Variants in PSD3 observed in about 807,000 individuals in gnomAD.
The protein encoded by PSD3 is pleckstrin and Sec7 domain containing 3.
In PSD3, 49 loss-of-function variants were observed where a neutral mutation model predicts 105.5. That is an observed-to-expected ratio of 0.46 (90% confidence interval 0.37 to 0.59). The LOEUF (loss-of-function observed/expected upper bound fraction) is 0.59, where lower values mean the gene tolerates loss of function less well. PSD3 is among the 20% of genes least tolerant of loss of function. The probability of loss-of-function intolerance (pLI) is 0.00; values close to 1 mark genes in which losing one functional copy is unlikely to be tolerated. For synonymous variants in PSD3, 557 were observed against 457.8 expected (o/e 1.22, Z -2.77); for missense variants, 1,561 against 1,263.8 (o/e 1.24, Z -3.57).
chr8:18,625,491 G>T (rs1303035225), intron 11 of PSD3, among the ~76,000 whole-genome samples: 3 of 152,158 alleles, frequency 2.0e-5, no homozygotes, highest in South Asian at 4.1e-4. Flanking sequence ...AGGCAATTCA[G>T]TGTTTAAACA....
At chr8:18,607,536 C>A (rs547171770) in intron 11 of PSD3, among the ~76,000 whole-genome samples, 1 of 151,918 alleles carries the variant, frequency 6.6e-6, no homozygotes, top group Admixed American at 6.6e-5. Context: ...GGTTTCCATA[C>A]AGAGAAAGGC....
At chr8:18,939,758 G>A (rs1333224140) in intron 1 of PSD3, among the ~76,000 whole-genome samples, 1 of 152,164 alleles carries the variant, frequency 6.6e-6, no homozygotes, top group Non-Finnish European at 1.5e-5. Context: ...AGACTATCAA[G>A]AGGAGCCTGC....
chr8:18,917,100 C>T (rs762034624), intron 2 of PSD3, among the ~76,000 whole-genome samples: 1 of 152,248 alleles, frequency 6.6e-6, no homozygotes, highest in Non-Finnish European at 1.5e-5. Context: ...CTGCCCAAAG[C>T]AGAAACTACC....
intron 2 of PSD3, among the ~76,000 whole-genome samples, chr8:18,890,880 G>C (rs897203265): frequency 3.3e-5 from 5 of 152,136 alleles, no homozygotes; most frequent in Non-Finnish European, 1.5e-5. Flanking sequence ...TGAACATTTT[G>C]AGATTCCTGT....
chr8:18,863,337 G>A (rs975881702), intron 4 of PSD3, among the ~76,000 whole-genome samples: 3 of 152,136 alleles, frequency 2.0e-5, no homozygotes, highest in Admixed American at 6.5e-5. Flanking sequence ...GTGTATAATT[G>A]TAAGTCTCTA....
At chr8:19,038,532 C>G (rs1044791504) in intron 1 of PSD3, among the ~76,000 whole-genome samples, 1 of 152,212 alleles carries the variant, frequency 6.6e-6, no homozygotes, top group Non-Finnish European at 1.5e-5. Context: ...AGTAGTGCAA[C>G]TTACTGCAGT....
rs771560070 is a variant in PSD3, at chr8:18,556,224, G to C, written c.2913C>G (p.His971Gln). 6.2e-7 allele frequency: 1 copy of C among 1,613,710 alleles called. No individual in the cohort carries two copies. The highest frequency in any genetic ancestry group is 8.5e-7 in the Non-Finnish European group (1 of 1,179,830). Reference sequence around the variant, plus strand: ...TGCAACACACCTCAAACTCCAGATAGTGGTCTTTCAGTTTGTACTCATCGA... The same window carrying C: ...TGCAACACACCTCAAACTCCAGATACTGGTCTTTCAGTTTGTACTCATCGA... ...KDVDEYKLKD[H>Q]YLEFEKTRYE... is the part of the protein sequence containing the mutation. Residue 971 changes from histidine to glutamine, a missense_variant, in exon 15 of 16, where the codon CAC becomes CAG. Transcript: ENST00000327040.
chr8:18,733,558 G>T (rs769257258), intron 9 of PSD3: 3 of 152,638 alleles, frequency 2.0e-5, no homozygotes, highest in Non-Finnish European at 4.4e-5. Flanking sequence ...GAGATGTGAT[G>T]AGATTATTCT....
chr8:18,750,545 C>T (rs1377441038), intron 9 of PSD3, among the ~76,000 whole-genome samples: 1 of 152,004 alleles, frequency 6.6e-6, no homozygotes, highest in Admixed American at 6.6e-5. Context: ...TTGCAAAGAG[C>T]GAAAGAACAA....
intron 11 of PSD3, among the ~76,000 whole-genome samples, chr8:18,608,270 G>A (rs1005228275): frequency 6.6e-6 from 1 of 152,166 alleles, no homozygotes; most frequent in African/African-American, 2.4e-5. Flanking sequence ...GAGCTGTTGG[G>A]AAAAGCACTG....
At chr8:18,948,258 T>C (rs1269270064) in intron 1 of PSD3, among the ~76,000 whole-genome samples, 1 of 152,194 alleles carries the variant, frequency 6.6e-6, no homozygotes, top group Admixed American at 6.5e-5. Flanking sequence ...TATTTGCATT[T>C]AAAAAATAAA....
intron 4 of PSD3, among the ~76,000 whole-genome samples, chr8:18,841,515 A>G (rs938703240): frequency 5.9e-5 from 9 of 151,412 alleles, no homozygotes; most frequent in African/African-American, 1.7e-4. Context: ...TTAAACACTC[A>G]CTAGCATGGA....
chr8:18,599,455 C>A lies in PSD3; in HGVS notation c.2481+909G>T, dbSNP rs186146236. ...AGATATTTGCACCCCATGTTCATTG[C>A]GGCATTACTCACAAAAGGTGGAAAC... is the stretch of plus-strand genomic sequence containing the variant. On this transcript the variant is annotated intron_variant, in intron 12 of 15. Coordinates refer to ENST00000327040, the MANE Select transcript of PSD3 (RefSeq NM_015310.4). Among the ~76,000 whole-genome samples, 237 of 152,196 alleles carry A rather than the reference C, an allele frequency of 1.6e-3. 1 individual carries two copies. The highest frequency in any genetic ancestry group is 5.6e-3 in the African/African-American group (231 of 41,528).
intron 1 of PSD3, among the ~76,000 whole-genome samples, chr8:18,971,577 A>T (rs1157289817): frequency 2.0e-5 from 3 of 152,216 alleles, no homozygotes; most frequent in Non-Finnish European, 4.4e-5. Flanking sequence ...GGGCTTCAGC[A>T]CAAGGAGTTT....
chr8:18,901,086 G>C (rs1221285118), intron 2 of PSD3, among the ~76,000 whole-genome samples: 2 of 152,136 alleles, frequency 1.3e-5, no homozygotes, highest in Non-Finnish European at 2.9e-5. Flanking sequence ...TTTTAAAGTA[G>C]ATGTGTTTCT....
upstream of PSD3, among the ~76,000 whole-genome samples, chr8:19,016,646 G>T (rs1342780871): frequency 6.6e-6 from 1 of 152,084 alleles, no homozygotes; most frequent in East Asian, 1.9e-4. Context: ...AGTAATATTT[G>T]TCTTCACCTG....
At chr8:19,050,316 G>A (rs546874516) in intron 1 of PSD3, among the ~76,000 whole-genome samples, 6 of 151,602 alleles carry the variant, frequency 4.0e-5, no homozygotes, top group African/African-American at 7.2e-5. Context: ...ATCCCCGCCT[G>A]TCAAGGATAT....
chr8:19,050,560 A>C (rs1479266526), intron 1 of PSD3, among the ~76,000 whole-genome samples: 1 of 152,224 alleles, frequency 6.6e-6, no homozygotes. Context: ...ATTGGAAATC[A>C]TCATTCTCAG....
chr8:18,626,233 G>C (rs373399809), intron 11 of PSD3, among the ~76,000 whole-genome samples: 1 of 151,566 alleles, frequency 6.6e-6, no homozygotes, highest in East Asian at 1.9e-4. Context: ...CTGACAAACT[G>C]AATGTTTAAA....
Sources: allele counts gnomAD v4.1 joint callset (sites outside exome capture counted in the v4.1 genomes callset), GRCh38; gene constraint gnomAD v4.1.1; transcripts MANE v1.5; gene names NCBI Gene and HGNC (gene_info 2026-07-23, HGNC 2026-07-21).